The following LRRC4C variants were observed in gnomAD, a reference collection of about 807,000 sequenced individuals.
LRRC4C encodes leucine-rich repeat-containing protein 4C.
LRRC4C carries 5 observed loss-of-function variants against 33.6 expected under a neutral mutation model. That is an observed-to-expected ratio of 0.15 (90% CI 0.08 to 0.31). LRRC4C has a LOEUF of 0.31. LRRC4C is among the 10% of genes least tolerant of loss of function. The probability of loss-of-function intolerance (pLI) is 1.00; values close to 1 mark genes in which losing one functional copy is unlikely to be tolerated. For missense variants in LRRC4C, 560 were observed against 796.7 expected, an observed-to-expected ratio of 0.70 and a Z score of 3.58; for synonymous variants, 329 against 302.0, an observed-to-expected ratio of 1.09 and a Z score of -0.93.
intron 1 of LRRC4C, among the ~76,000 whole-genome samples, chr11:41,034,697 GTCTCT>G (rs1171257971): frequency 7.1e-6 from 1 of 140,554 alleles, no homozygotes; most frequent in Non-Finnish European, 1.5e-5. Context: ...GGATTGTTTG[GTCTCT>G]TCTCTTTTAG....
intron 2 of LRRC4C, among the ~76,000 whole-genome samples, chr11:40,777,237 C>T (rs1465891972): frequency 6.6e-6 from 1 of 152,100 alleles, no homozygotes; most frequent in Non-Finnish European, 1.5e-5. Context: ...CTATTATGTC[C>T]AATTTGTTAA....
At chr11:41,172,452 T>A (rs1229031224) in intron 1 of LRRC4C, among the ~76,000 whole-genome samples, 3 of 152,158 alleles carry the variant, frequency 2.0e-5, no homozygotes, top group Non-Finnish European at 4.4e-5. Context: ...TTCTTGCCTA[T>A]TCCTTTCCTT....
rs566447242 is a variant in LRRC4C at position 40,313,676 on chromosome 11, C to T, written c.-176+5952G>A. Among the ~76,000 whole-genome samples the T allele has an allele frequency of 2.2e-4, 29 of 134,192 alleles. No homozygotes were observed. The East Asian group carries it at 2.2e-3, about 10-fold the overall frequency. 88.0% of individuals were successfully genotyped at this position (134,192 alleles called of 152,430 possible). A position where few individuals can be genotyped will look rare whatever the true frequency, so the allele number is the denominator to read the frequency against. The stretch of plus-strand genomic sequence containing the variant: ...AGACTGGAGTGTATTGGCGCAATCT[C>T]GGCTCACTGCAAGCTCCACCTTCCG... On this transcript the variant is annotated intron_variant, in intron 4 of 6. Transcript: ENST00000528697.
At chr11:41,343,450 C>T (rs1182944499) in intron 1 of LRRC4C, among the ~76,000 whole-genome samples, 1 of 152,148 alleles carries the variant, frequency 6.6e-6, no homozygotes, top group Non-Finnish European at 1.5e-5. Context: ...ATTTTCCGGG[C>T]CATGTATGCA....
intron 1 of LRRC4C, among the ~76,000 whole-genome samples, chr11:41,218,498 C>A (rs1032996297): frequency 1.5e-4 from 23 of 152,174 alleles, no homozygotes; most frequent in African/African-American, 5.3e-4. Context: ...ACCGCCTGAG[C>A]TAAGGCAGGG....
At chr11:40,721,205 G>A (rs1013967553) in intron 2 of LRRC4C, among the ~76,000 whole-genome samples, 6 of 152,148 alleles carry the variant, frequency 3.9e-5, no homozygotes, top group Non-Finnish European at 8.8e-5. Flanking sequence ...TGAAGATAAG[G>A]CCTTTGGGAA....
At position 40,895,294 on chromosome 11, in the gene LRRC4C, TATC is replaced by T. The variant is rs754886884; in HGVS notation, c.-407+38338_-407+38340del. ...CAGAATTTTAAATGACCTTTGTTAT[TATC>T]ATGATTTCCATATATTTTAAATATA... On this transcript the variant is annotated intron_variant, in intron 2 of 6. Coordinates refer to ENST00000528697, the MANE Select transcript of LRRC4C (RefSeq NM_001258419.2). Among the ~76,000 whole-genome samples, 11 of 152,122 alleles carry T rather than the reference TATC, an allele frequency of 7.2e-5. No individual in the cohort carries two copies. In the East Asian group the frequency reaches 1.5e-3, roughly 21 times the overall value.
intron 1 of LRRC4C, among the ~76,000 whole-genome samples, chr11:41,135,057 C>CAT (rs1187244802): frequency 4.7e-5 from 7 of 150,106 alleles, no homozygotes; most frequent in African/African-American, 1.5e-4. Context: ...CACATATACA[C>CAT]ATATACACAC....
intron 3 of LRRC4C, among the ~76,000 whole-genome samples, chr11:40,399,700 C>T (rs1949686519): frequency 1.3e-5 from 2 of 151,764 alleles, no homozygotes; most frequent in East Asian, 1.9e-4. Flanking sequence ...AAAAAACCAC[C>T]ACCACCACCA....
At chr11:40,573,724 T>C (rs1646153561) in intron 3 of LRRC4C, among the ~76,000 whole-genome samples, 1 of 152,194 alleles carries the variant, frequency 6.6e-6, no homozygotes, top group South Asian at 2.1e-4. Flanking sequence ...TGGCAATAAA[T>C]GTATCCTAGA....
At chr11:40,948,392 G>A (rs1958513660) in intron 1 of LRRC4C, among the ~76,000 whole-genome samples, 1 of 151,502 alleles carries the variant, frequency 6.6e-6, no homozygotes, top group Admixed American at 6.6e-5. Context: ...TATACTTTAA[G>A]TTTTAGTGTA....
chr11:40,300,836 C>A (rs1216876962), intron 4 of LRRC4C, among the ~76,000 whole-genome samples: 1 of 152,184 alleles, frequency 6.6e-6, no homozygotes, highest in African/African-American at 2.4e-5. Flanking sequence ...GAGTCTAGCT[C>A]TGTTGCTCAG....
intron 3 of LRRC4C, among the ~76,000 whole-genome samples, chr11:40,460,915 T>C (rs528822767): frequency 3.7e-3 from 562 of 152,240 alleles, no homozygotes; most frequent in Non-Finnish European, 6.6e-3. Context: ...ATTTCCTTAA[T>C]ATATGAAAAG....
chr11:40,252,614 A>G (rs1590825370), intron 4 of LRRC4C, among the ~76,000 whole-genome samples: 1 of 152,204 alleles, frequency 6.6e-6, no homozygotes, highest in East Asian at 1.9e-4. Flanking sequence ...TGGAGCAGAG[A>G]TAGCTCGAAA....
At chr11:40,248,056 C>A (rs1866486387) in intron 4 of LRRC4C, among the ~76,000 whole-genome samples, 1 of 152,154 alleles carries the variant, frequency 6.6e-6, no homozygotes, top group Admixed American at 6.5e-5. Context: ...AGTAACTGCA[C>A]ACAGTAAAAG....
intron 3 of LRRC4C, among the ~76,000 whole-genome samples, chr11:40,366,851 A>C (rs1948229663): frequency 6.6e-6 from 1 of 152,044 alleles, no homozygotes; most frequent in African/African-American, 2.4e-5. Flanking sequence ...TACATTTCTC[A>C]GTTTTGTTAG....
chr11:41,052,006 A>G (rs1334106504), intron 1 of LRRC4C, among the ~76,000 whole-genome samples: 7 of 152,120 alleles, frequency 4.6e-5, no homozygotes, highest in Admixed American at 4.6e-4. Context: ...AAACCACTCA[A>G]TGTTCTGATC....
intron 3 of LRRC4C, among the ~76,000 whole-genome samples, chr11:40,417,877 A>T (rs1050533483): frequency 2.6e-5 from 4 of 152,228 alleles, no homozygotes; most frequent in African/African-American, 7.2e-5. Flanking sequence ...GGTAAAAGCC[A>T]AATCTAATTC....
intron 1 of LRRC4C, among the ~76,000 whole-genome samples, chr11:41,003,134 G>A (rs1369002591): frequency 2.6e-5 from 4 of 152,070 alleles, no homozygotes; most frequent in African/African-American, 9.7e-5. Context: ...TTTAACATGA[G>A]AACTGTAAAC....
Sources: allele counts gnomAD v4.1 joint callset (sites outside exome capture counted in the v4.1 genomes callset), GRCh38; gene constraint gnomAD v4.1.1; transcripts MANE v1.5; gene names NCBI Gene and HGNC (gene_info 2026-07-23, HGNC 2026-07-21).